SRFBP1: variants seen among roughly 807,000 people sequenced by gnomAD.
SRFBP1 encodes serum response factor-binding protein 1.
In SRFBP1, 47 loss-of-function variants were observed where a neutral mutation model predicts 45.5. That is an observed-to-expected ratio of 1.03 (90% CI 0.82 to 1.32). The LOEUF (loss-of-function observed/expected upper bound fraction) is 1.32, where lower values mean the gene tolerates loss of function less well. SRFBP1 is among the 40% of genes most tolerant of loss of function. SRFBP1 has a pLI of 0.00. For synonymous variants in SRFBP1, 203 were observed against 166.3 expected, an observed-to-expected ratio of 1.22 and a Z score of -1.70; for missense variants, 621 against 484.6, an observed-to-expected ratio of 1.28 and a Z score of -2.64.
intron 7 of SRFBP1, among the ~76,000 whole-genome samples, chr5:122,026,040 A>G (rs1404330033): frequency 1.3e-5 from 2 of 152,232 alleles, no homozygotes; most frequent in African/African-American, 2.4e-5. Context: ...CAGTGAGCCA[A>G]GATCACGCCA....
chr5:122,042,821 T>C (rs1753793261), intron 2 of SRFBP1, among the ~76,000 whole-genome samples: 1 of 152,158 alleles, frequency 6.6e-6, no homozygotes, highest in African/African-American at 2.4e-5. Context: ...ATTTTAGAAT[T>C]TCTTTTGGTA....
At position 122,017,415 on chromosome 5, in the gene SRFBP1, C is replaced by G. The variant is rs889304522; in HGVS notation, c.271-1845C>G. Among the ~76,000 whole-genome samples, 4 of 152,158 alleles carry G rather than the reference C, an allele frequency of 2.6e-5. No individual in the cohort carries two copies. The East Asian group carries it at 5.8e-4, about 22-fold the overall frequency. On this transcript the variant is annotated intron_variant, in intron 4 of 7. Coordinates refer to ENST00000339397, the MANE Select transcript of SRFBP1 (RefSeq NM_152546.3). ...GCCCTTAGTGTTCACGTAGTCTTTACTGTGTCTCTCTGTGCCCCTATATCA... is the reference window on the plus strand; with the variant it reads ...GCCCTTAGTGTTCACGTAGTCTTTAGTGTGTCTCTCTGTGCCCCTATATCA...
intron 3 of SRFBP1, among the ~76,000 whole-genome samples, chr5:121,982,106 A>G (rs1271112878): frequency 6.6e-6 from 1 of 152,012 alleles, no homozygotes; most frequent in Admixed American, 6.6e-5. Flanking sequence ...TATCAGAAAC[A>G]GGAGGAAAAA....
chr5:121,965,734 A>G (rs984222025), intron 1 of SRFBP1, among the ~76,000 whole-genome samples: 4 of 152,124 alleles, frequency 2.6e-5, no homozygotes, highest in East Asian at 1.9e-4. Flanking sequence ...AAGAAAGTCA[A>G]TGGTAGCTTG....
chr5:121,963,401 TTACCTG>T (rs1751991780), intron 1 of SRFBP1, among the ~76,000 whole-genome samples: 2 of 152,114 alleles, frequency 1.3e-5, no homozygotes, highest in African/African-American at 4.8e-5. Context: ...TTGCATTAGG[TTACCTG>T]TGATGTATGA....
intron 1 of SRFBP1, among the ~76,000 whole-genome samples, chr5:121,968,340 ACAGTGAGAGATTT>A (rs1364027907): frequency 2.0e-5 from 3 of 151,994 alleles, no homozygotes; most frequent in Admixed American, 6.6e-5. Flanking sequence ...ATGGAGTAGT[ACAGTGAGAGATTT>A]CATTATGCTA....
chr5:121,999,817 C>T lies in SRFBP1; in HGVS notation c.270+5147C>T, dbSNP rs964242303. ...TTCTCCATCATTTTACTTTTAACCT[C>T]CATATGTCTGTGTACTTAAGGTGAT... On this transcript the variant is annotated intron_variant, in intron 4 of 7. Coordinates refer to ENST00000339397, the MANE Select transcript of SRFBP1 (RefSeq NM_152546.3). 3.9e-5 allele frequency among the ~76,000 whole-genome samples: 6 copies of T among 152,062 alleles called. No homozygotes were observed. The South Asian group carries it at 6.2e-4, about 16-fold the overall frequency.
At chr5:121,972,719 G>A (rs931062579) in intron 1 of SRFBP1, among the ~76,000 whole-genome samples, 10 of 151,794 alleles carry the variant, frequency 6.6e-5, no homozygotes, top group Non-Finnish European at 1.5e-4. Flanking sequence ...GGTTGTGGTG[G>A]GTGGAGTTGA....
intron 2 of SRFBP1, chr5:122,065,582 G>C (rs774377726): frequency 1.3e-5 from 2 of 151,986 alleles, no homozygotes; most frequent in African/African-American, 2.4e-5. Context: ...GTAATACTAT[G>C]TGCTTTGCTA....
chr5:122,048,064 C>T (rs1012052399), intron 2 of SRFBP1, among the ~76,000 whole-genome samples: 19 of 152,224 alleles, frequency 1.2e-4, no homozygotes, highest in South Asian at 6.2e-4. Flanking sequence ...TTGCCCTGCC[C>T]GGAACTTCCA....
chr5:122,047,495 T>C (rs1287390877), intron 2 of SRFBP1, among the ~76,000 whole-genome samples: 1 of 152,228 alleles, frequency 6.6e-6, no homozygotes. Context: ...CCTCCAGCTT[T>C]GTTCTTTTGG....
chr5:122,033,457 T>C (rs903450507), downstream of SRFBP1, among the ~76,000 whole-genome samples: 2 of 152,088 alleles, frequency 1.3e-5, no homozygotes, highest in African/African-American at 4.8e-5. Context: ...TGCTACTTCA[T>C]CCAATATCAG....
In SRFBP1 at chr5:122,075,387, G is replaced by C. The variant is rs762609416; in HGVS notation, n.384G>C. 30 of 1,587,910 alleles carry C rather than the reference G, an allele frequency of 1.9e-5. No individual in the cohort carries two copies. Among genetic ancestry groups the C allele is most frequent in the Non-Finnish European group, 2.5e-5 (29 of 1,170,004 alleles). ...TGAAAAGCAACCCAAAAGTACCCAG[G>C]AGGCCCATTTACTTACTGATGACAA... is the stretch of plus-strand genomic sequence containing the variant. On this transcript the variant is annotated non_coding_transcript_exon_variant, in exon 3 of 3. Coordinates refer to the SRFBP1 transcript ENST00000504881.
chr5:121,981,004 A>G (rs7713715), intron 3 of SRFBP1, among the ~76,000 whole-genome samples: 4,000 of 152,152 alleles, frequency 0.026, 177 homozygotes, highest in African/African-American at 0.091. Flanking sequence ...AATGATAACT[A>G]CTTGTGCTGT....
intron 2 of SRFBP1, among the ~76,000 whole-genome samples, chr5:121,974,674 T>C (rs768910024): frequency 1.3e-5 from 2 of 151,966 alleles, no homozygotes; most frequent in Non-Finnish European, 2.9e-5. Context: ...TTTTCTTGAA[T>C]TGCTAAGTAA....
chr5:122,036,718 T>C (rs1486952742), intron 2 of SRFBP1, among the ~76,000 whole-genome samples: 1 of 152,142 alleles, frequency 6.6e-6, no homozygotes, highest in East Asian at 1.9e-4. Flanking sequence ...CACATCATTT[T>C]TGGAGTGTGT....
At chr5:122,078,780 G>C (rs142628999), downstream of SRFBP1, among the ~76,000 whole-genome samples, 789 of 152,276 alleles carry the variant, frequency 5.2e-3, 10 homozygotes, top group African/African-American at 0.018. Context: ...TAAACCCCAG[G>C]ATATCAAATT....
At chr5:122,014,050 G>T (rs192929994) in intron 4 of SRFBP1, among the ~76,000 whole-genome samples, 1 of 152,198 alleles carries the variant, frequency 6.6e-6, no homozygotes, top group Admixed American at 6.5e-5. Flanking sequence ...CCATCACAAA[G>T]AAATGATAAA....
At chr5:122,024,357 T>G (rs1486193447) in intron 7 of SRFBP1, among the ~76,000 whole-genome samples, 1 of 152,216 alleles carries the variant, frequency 6.6e-6, no homozygotes, top group Non-Finnish European at 1.5e-5. Flanking sequence ...TGCCAAATTT[T>G]TATGTTATTG....
Sources: allele counts gnomAD v4.1 joint callset (sites outside exome capture counted in the v4.1 genomes callset), GRCh38; gene constraint gnomAD v4.1.1; transcripts MANE v1.5; gene names NCBI Gene and HGNC (gene_info 2026-07-23, HGNC 2026-07-21).